Variants in RBFOX1 observed in about 807,000 individuals in gnomAD.
RBFOX1 encodes RNA binding protein fox-1 homolog 1.
A neutral mutation model predicts 57.7 loss-of-function variants in RBFOX1; 8 were observed. That is an observed-to-expected ratio of 0.14 (90% CI 0.08 to 0.25). RBFOX1 has a LOEUF of 0.25. Ranked by LOEUF, RBFOX1 falls within the 10% of genes least tolerant of loss-of-function variation. RBFOX1 has a pLI of 1.00. For synonymous variants in RBFOX1, 326 were observed against 222.4 expected, an observed-to-expected ratio of 1.47 and a Z score of -4.15; for missense variants, 611 against 548.5, an observed-to-expected ratio of 1.11 and a Z score of -1.14.
At chr16:7,708,985 T>C in intron 14 of RBFOX1, 71 bp from the exon 15 acceptor site, 1 of 1,440,010 alleles carries the variant, frequency 6.9e-7, no homozygotes, top group Non-Finnish European at 9.8e-7. Flanking sequence ...CTTGGTATTT[T>C]GGATTTTATG....
chr16:5,802,192 G>A (rs931249779), intron 3 of RBFOX1, among the ~76,000 whole-genome samples: 1 of 152,058 alleles, frequency 6.6e-6, no homozygotes, highest in African/African-American at 2.4e-5. Context: ...CCCAAACTTT[G>A]CGCTTTAAGC....
At chr16:7,500,791 G>C (rs1014912617) in intron 4 of RBFOX1, among the ~76,000 whole-genome samples, 1 of 152,168 alleles carries the variant, frequency 6.6e-6, no homozygotes, top group East Asian at 1.9e-4. Context: ...TGGTTTGTCA[G>C]TGTCCCCACT....
intron 3 of RBFOX1, among the ~76,000 whole-genome samples, chr16:6,712,440 G>T (rs2063882632): frequency 1.3e-5 from 2 of 152,014 alleles, no homozygotes. Context: ...GTTTTACTGT[G>T]TACCATCCTA....
At chr16:7,005,257 A>G (rs984773360) in intron 3 of RBFOX1, among the ~76,000 whole-genome samples, 2 of 152,098 alleles carry the variant, frequency 1.3e-5, no homozygotes, top group African/African-American at 2.4e-5. Flanking sequence ...CTTTCCCCTT[A>G]CCTTTCAAGA....
At chr16:5,953,758 T>C (rs1374971796) in intron 4 of RBFOX1, among the ~76,000 whole-genome samples, 2 of 151,794 alleles carry the variant, frequency 1.3e-5, no homozygotes, top group African/African-American at 4.8e-5. Context: ...ACTTGATTGA[T>C]GGACATTTGA....
Position 6,821,408 on chromosome 16 carries a change from A to G in RBFOX1, c.-16+166758A>G, listed in dbSNP as rs368595567. 2.0e-5 allele frequency among the ~76,000 whole-genome samples: 3 copies of G among 152,260 alleles called. No individual in the cohort carries two copies. In the South Asian group the frequency reaches 6.2e-4, roughly 31 times the overall value. ...AAAATTTCATTGAGGTGTATTCCAC[A>G]TAACTGATATCAATTATTTTTAAGT... On this transcript the variant is annotated intron_variant, in intron 3 of 15. Transcript: ENST00000550418.
chr16:6,190,325 G>A (rs2097133621), intron 1 of RBFOX1, among the ~76,000 whole-genome samples: 1 of 152,206 alleles, frequency 6.6e-6, no homozygotes, highest in South Asian at 2.1e-4. Context: ...ATGTTAGGAT[G>A]TGTCCTATAG....
intron 2 of RBFOX1, among the ~76,000 whole-genome samples, chr16:6,526,474 A>T (rs1426377529): frequency 1.3e-5 from 2 of 152,166 alleles, no homozygotes; most frequent in Non-Finnish European, 2.9e-5. Context: ...CTACAGCAAT[A>T]CTTGTCTATT....
At chr16:7,220,230 G>T (rs1263395681) in intron 4 of RBFOX1, among the ~76,000 whole-genome samples, 1 of 152,206 alleles carries the variant, frequency 6.6e-6, no homozygotes, top group African/African-American at 2.4e-5. Context: ...AAGCAAGTAA[G>T]AGAAGGATAA....
intron 2 of RBFOX1, among the ~76,000 whole-genome samples, chr16:5,500,232 A>G (rs909180676): frequency 9.1e-5 from 10 of 109,872 alleles, no homozygotes; most frequent in South Asian, 2.5e-4. Context: ...GTTCCGTTCC[A>G]TTCCATTCCA....
At chr16:7,351,607 G>C (rs1443548848) in intron 4 of RBFOX1, among the ~76,000 whole-genome samples, 2 of 152,210 alleles carry the variant, frequency 1.3e-5, no homozygotes, top group Non-Finnish European at 2.9e-5. Context: ...CTGCTCTTGA[G>C]CTCACATCCT....
At chr16:6,662,754 A>C (rs1603237549) in intron 3 of RBFOX1, among the ~76,000 whole-genome samples, 1 of 152,234 alleles carries the variant, frequency 6.6e-6, no homozygotes, top group South Asian at 2.1e-4. Context: ...GCATCTGGCT[A>C]TAACCGAATG....
At chr16:7,196,521 G>T (rs925110109) in intron 4 of RBFOX1, among the ~76,000 whole-genome samples, 1 of 152,198 alleles carries the variant, frequency 6.6e-6, no homozygotes, top group Non-Finnish European at 1.5e-5. Context: ...GTGCAGGTTA[G>T]TGCAACCGGC....
chr16:7,195,611 G>C (rs1045886515), intron 4 of RBFOX1, among the ~76,000 whole-genome samples: 3 of 152,174 alleles, frequency 2.0e-5, no homozygotes, highest in Non-Finnish European at 2.9e-5. Flanking sequence ...AGGCTGGAGT[G>C]CAGTGGTGGG....
chr16:7,193,110 A>G (rs553811578), intron 4 of RBFOX1, among the ~76,000 whole-genome samples: 53 of 152,334 alleles, frequency 3.5e-4, no homozygotes, highest in Non-Finnish European at 1.5e-4. Context: ...TAGGCTTGCT[A>G]ATCGGTTGGC....
chr16:7,492,395 C>G (rs2067223357), intron 4 of RBFOX1, among the ~76,000 whole-genome samples: 1 of 152,142 alleles, frequency 6.6e-6, no homozygotes, highest in Non-Finnish European at 1.5e-5. Context: ...GACAAGGGAT[C>G]AGATACTTCC....
At chr16:5,298,978 C>T (rs1455246104) in intron 1 of RBFOX1, among the ~76,000 whole-genome samples, 1 of 130,730 alleles carries the variant, frequency 7.6e-6, no homozygotes, top group Non-Finnish European at 1.6e-5. Flanking sequence ...CTTAAGCATT[C>T]AATTTAATGG....
At chr16:5,780,411 A>G (rs895228352) in intron 3 of RBFOX1, among the ~76,000 whole-genome samples, 1 of 152,234 alleles carries the variant, frequency 6.6e-6, no homozygotes, top group Non-Finnish European at 1.5e-5. Flanking sequence ...TCATCCATGT[A>G]TCCAACATTT....
intron 3 of RBFOX1, among the ~76,000 whole-genome samples, chr16:6,973,157 G>T (rs577496237): frequency 6.6e-6 from 1 of 150,756 alleles, no homozygotes; most frequent in Non-Finnish European, 1.5e-5. Flanking sequence ...TTTAAAAATA[G>T]AGACAAGGCC....
Sources: allele counts gnomAD v4.1 joint callset (sites outside exome capture counted in the v4.1 genomes callset), GRCh38; gene constraint gnomAD v4.1.1; transcripts MANE v1.5; gene names NCBI Gene and HGNC (gene_info 2026-07-23, HGNC 2026-07-21).